Variants in CPNE7 observed in about 807,000 individuals in gnomAD.
The protein encoded by CPNE7 is copine-7.
In CPNE7, 78 loss-of-function variants were observed where a neutral mutation model predicts 66.5. The observed-to-expected ratio is 1.17, with a 90% CI of 0.98 to 1.42. CPNE7 has a LOEUF of 1.42. Among genes scored for constraint, CPNE7 ranks in the 40% most tolerant of loss-of-function variants. The probability of loss-of-function intolerance (pLI) is 0.00; values close to 1 mark genes in which losing one functional copy is unlikely to be tolerated. For synonymous variants in CPNE7, 468 were observed against 336.7 expected, an observed-to-expected ratio of 1.39 and a Z score of -4.27; for missense variants, 1,012 against 776.6, an observed-to-expected ratio of 1.30 and a Z score of -3.60.
At chr16:89,583,097 G>A (rs527836606) in intron 2 of CPNE7, among the ~76,000 whole-genome samples, 2 of 152,318 alleles carry the variant, frequency 1.3e-5, no homozygotes, top group South Asian at 2.1e-4. Flanking sequence ...AGGAGGCCCC[G>A]GCTGCATGAG....
chr16:89,577,632 C>T lies in CPNE7; in HGVS notation c.268C>T (p.Arg90Cys), dbSNP rs532282879. The T allele has an allele frequency of 1.2e-5, 19 of 1,580,790 alleles. No homozygotes were observed. The highest frequency in any genetic ancestry group is 5.8e-5 in the South Asian group (5 of 86,336). The change falls in exon 2 of 15, where the codon CGC becomes TGC. Residue 90 changes from arginine (R) to cysteine (C), a missense_variant. Coordinates refer to ENST00000319518, the MANE Select transcript of CPNE7 (RefSeq NM_153636.3). ...DYYFEEVQRL[R>C]FEVYDTHGPS... is the part of the protein sequence containing the mutation. ...CTACTTCGAGGAGGTGCAGAGGCTG[C>T]GCTTTGAGGTGTACGACACGCATGG... is the stretch of plus-strand genomic sequence containing the variant.
intron 11 of CPNE7, 69 bp from the exon 12 acceptor site, chr16:89,590,938 C>A: frequency 6.4e-7 from 1 of 1,572,666 alleles, no homozygotes; most frequent in Non-Finnish European, 8.7e-7. Context: ...GAGCAGCTGA[C>A]CGAGGGACAT....
rs1326799691 is a variant in CPNE7, at chr16:89,584,754, G to A, written c.508-20G>A. 2 of 1,600,482 alleles carry A rather than the reference G, an allele frequency of 1.2e-6. No homozygotes were observed. The highest frequency in any genetic ancestry group is 1.7e-6 in the Non-Finnish European group (2 of 1,169,454). ...CGATCTCACAGTGCCTGGCCCAGCA[G>A]CCCTTGTGCCTCTCCCCAGGACCTC... On this transcript the variant is annotated intron_variant, in intron 4 of 14. Transcript: ENST00000319518. This position sits in a 1 kb window ranked among gnomAD's most constrained non-coding sequence, Gnocchi z 6.0.
intron 13 of CPNE7, among the ~76,000 whole-genome samples, chr16:89,595,115 C>G (rs2059233281): frequency 6.6e-6 from 1 of 152,120 alleles, no homozygotes; most frequent in Non-Finnish European, 1.5e-5. Context: ...GTAGCACCCC[C>G]TCCACAGCCC....
At chr16:89,576,986 CCCTCA>C (rs1163620130) in intron 1 of CPNE7, among the ~76,000 whole-genome samples, 2 of 152,190 alleles carry the variant, frequency 1.3e-5, no homozygotes, top group Non-Finnish European at 2.9e-5. Context: ...CGTGCCCGCA[CCCTCA>C]GAGCGTGAGC....
intron 13 of CPNE7, among the ~76,000 whole-genome samples, 182 bp from the exon 14 acceptor site, chr16:89,595,185 G>A (rs576753483): frequency 1.4e-4 from 22 of 152,308 alleles, no homozygotes; most frequent in Non-Finnish European, 2.6e-4. Context: ...TGCCCGCCAC[G>A]GAGGGGGCTC....
chr16:89,576,557 C>G (rs1314159159), intron 1 of CPNE7, among the ~76,000 whole-genome samples: 1 of 152,174 alleles, frequency 6.6e-6, no homozygotes, highest in South Asian at 2.1e-4. Flanking sequence ...TCAAGCGAAC[C>G]CGCTGTGATC....
intron 13 of CPNE7, among the ~76,000 whole-genome samples, chr16:89,595,110 A>T (rs1305793061): frequency 6.6e-6 from 1 of 151,186 alleles, no homozygotes; most frequent in Non-Finnish European, 1.5e-5. Flanking sequence ...ACTTCGTAGC[A>T]CCCCCTCCAC....
chr16:89,589,004 G>C (rs2059130154), intron 10 of CPNE7, among the ~76,000 whole-genome samples, 196 bp downstream of exon 10: 1 of 152,198 alleles, frequency 6.6e-6, no homozygotes, highest in South Asian at 2.1e-4. Flanking sequence ...TTGTCAGACT[G>C]TGAGGGGCCG....
rs1333504525 is a variant in CPNE7 at position 89,587,217 on chromosome 16, T to C, written c.927+115T>C. The C allele has an allele frequency of 1.4e-4, 20 of 141,400 alleles. 2 individuals carry two copies. The highest frequency in any genetic ancestry group is 3.8e-4 in the African/African-American group (2 of 5,328). The allele number at this position is 141,400 out of a possible 1,614,324, so 8.8% of individuals were successfully genotyped here. ...CCCCCTCAGTCTGTGGCCCCGCCCATCCCCGCCCCCTCAGTCCGTGGCCCC... is the reference window on the plus strand; with the variant it reads ...CCCCCTCAGTCTGTGGCCCCGCCCACCCCCGCCCCCTCAGTCCGTGGCCCC... On this transcript the variant is annotated intron_variant, in intron 9 of 14. Coordinates refer to ENST00000319518, the MANE Select transcript of CPNE7 (RefSeq NM_153636.3).
chr16:89,577,628 G>T lies in CPNE7; in HGVS notation c.264G>T (p.Arg88Ser), dbSNP rs758119244. 1.9e-6 allele frequency: 3 copies of T among 1,577,592 alleles called. No homozygotes were observed. The highest frequency in any genetic ancestry group is 1.8e-5 in the Admixed American group (1 of 54,184). ...TVDYYFEEVQ[R>S]LRFEVYDTHG... ...ACTACTACTTCGAGGAGGTGCAGAG[G>T]CTGCGCTTTGAGGTGTACGACACGC... The change falls in exon 2 of 15, where the codon AGG (arginine) becomes AGT (serine). Residue 88 changes from arginine to serine, a missense_variant. Physicochemically the swap from Arg to Ser is moderately radical, Grantham distance 110 (BLOSUM62 -1). Coordinates refer to ENST00000319518, the MANE Select transcript of CPNE7 (RefSeq NM_153636.3).
intron 13 of CPNE7, among the ~76,000 whole-genome samples, chr16:89,592,019 T>TA (rs71134245): frequency 6.9e-6 from 1 of 145,450 alleles, no homozygotes; most frequent in African/African-American, 2.6e-5. Flanking sequence ...TGTTGTTTTT[T>TA]TTTTTTGAGA....
intron 13 of CPNE7, 141 bp from the exon 14 acceptor site, chr16:89,595,226 T>G: frequency 4.6e-6 from 3 of 648,344 alleles, no homozygotes; most frequent in Non-Finnish European, 5.4e-6. Context: ...ATGTTTGTGA[T>G]GTAGGCATCA....
At chr16:89,586,861 G>C in intron 8 of CPNE7, 105 bp downstream of exon 8, 1 of 1,191,806 alleles carries the variant, frequency 8.4e-7, no homozygotes, top group South Asian at 1.3e-5. Context: ...GTGGGCCCCA[G>C]CACGTCTGGG....
Position 89,586,760 on chromosome 16 carries a change from A to G in CPNE7, c.867+4A>G. 6.2e-7 allele frequency: 1 copy of G among 1,611,676 alleles called. No homozygotes were observed. Among genetic ancestry groups the G allele is most frequent in the Non-Finnish European group, 8.5e-7 (1 of 1,178,654 alleles). Reference sequence around the variant, plus strand: ...GGTCGTCCTGGCTGACCTCAAGGTGAGAGGTGGCTGTGCCCGAAGCCTCCC... The same window carrying G: ...GGTCGTCCTGGCTGACCTCAAGGTGGGAGGTGGCTGTGCCCGAAGCCTCCC... On this transcript the variant is annotated splice_donor_region_variant and intron_variant, in intron 8 of 14. Transcript: ENST00000319518.
In CPNE7 at chr16:89,587,093, C is replaced by G. The variant is rs758002632; in HGVS notation, c.918C>G (p.Ile306Met). 2.6e-6 allele frequency: 4 copies of G among 1,567,838 alleles called. No homozygotes were observed. In the African/African-American group the frequency reaches 5.4e-5, roughly 21 times the overall value. Residue 306 changes from isoleucine to methionine, a missense_variant, in exon 9 of 15, where the codon ATC (isoleucine) becomes ATG (methionine). By Grantham distance (10) the Ile-to-Met change is conservative (BLOSUM62 1). Coordinates refer to ENST00000319518, the MANE Select transcript of CPNE7 (RefSeq NM_153636.3). ...ACTATATCATGGGCGGCTGCCAGATCCACTTCACCGTGAGTCCATGGCCCC... is the reference window on the plus strand; with the variant it reads ...ACTATATCATGGGCGGCTGCCAGATGCACTTCACCGTGAGTCCATGGCCCC... ...FLDYIMGGCQ[I>M]HFTVAIDFTA...
chr16:89,586,061 A>AG lies in CPNE7; in HGVS notation c.780+282dup, dbSNP rs902111478. Among the ~76,000 whole-genome samples, 4 of 3,506 alleles carry AG rather than the reference A, an allele frequency of 1.1e-3. No individual in the cohort carries two copies. In the East Asian group the frequency reaches 0.027, roughly 24 times the overall value. The allele number at this position is 3,506 out of a possible 152,430, so 2.3% of individuals were successfully genotyped here. ...GGGGGCATTCAGGGAGGGGCAGGTG[A>AG]GGGGGGCCTCTGGGGAGGGGCAGGT... is the stretch of plus-strand genomic sequence containing the variant. On this transcript the variant is annotated intron_variant, in intron 7 of 14. Transcript: ENST00000319518.
chr16:89,576,704 G>A (rs1472912214), intron 1 of CPNE7, among the ~76,000 whole-genome samples: 1 of 152,070 alleles, frequency 6.6e-6, no homozygotes, highest in Non-Finnish European at 1.5e-5. Flanking sequence ...GGAGGAGCCG[G>A]AACTCGAACC....
intron 2 of CPNE7, 73 bp downstream of exon 2, chr16:89,577,794 C>A: frequency 1.4e-6 from 2 of 1,478,976 alleles, no homozygotes; most frequent in Non-Finnish European, 1.8e-6. Context: ...GGCTGATGTA[C>A]CAGCACCGCA....
Sources: gnomAD v4.1 joint callset for allele counts (sites outside exome capture counted in the v4.1 genomes callset) on GRCh38, gnomAD v4.1.1 for gene constraint, Gnocchi (gnomAD v3.1) non-coding constraint, MANE v1.5 for transcripts, NCBI Gene and HGNC (gene_info 2026-07-23, HGNC 2026-07-21) for gene names.